The following USH2A variants were observed in gnomAD, a reference collection of about 807,000 sequenced individuals.
USH2A encodes Usher syndrome 2A (autosomal recessive, mild).
Under a neutral mutation model 538.9 loss-of-function variants are expected in USH2A, and 443 were observed. The observed-to-expected ratio is 0.82, with a 90% CI of 0.76 to 0.89. The LOEUF is 0.89. USH2A is among the 40% of genes least tolerant of loss of function. The pLI, the probability that USH2A is intolerant of heterozygous loss-of-function variation, is 0.00. For missense variants in USH2A, 6,633 were observed against 6,324.8 expected (o/e 1.05, Z -1.65); for synonymous variants, 2,413 against 2,273.5 (o/e 1.06, Z -1.75).
At chr1:216,130,281 T>C (rs2033343490) in intron 21 of USH2A, among the ~76,000 whole-genome samples, 1 of 151,796 alleles carries the variant, frequency 6.6e-6, no homozygotes, top group Non-Finnish European at 1.5e-5. Context: ...AACTGTACCC[T>C]ATTTGTAGTC....
rs539443301 is a variant in USH2A, at chr1:215,680,437, G to A, written c.12067-61C>T. ...TTTTTTTGAAACTGACAATATTGCT[G>A]GAAAGTCATTCTCTGAACCTCATGG... On this transcript the variant is annotated intron_variant, in intron 61 of 71. Coordinates refer to ENST00000307340, the MANE Select transcript of USH2A (RefSeq NM_206933.4). 30 of 1,546,662 alleles carry A rather than the reference G, an allele frequency of 1.9e-5. 1 individual carries two copies. The African/African-American group carries it at 3.3e-4, about 17-fold the overall frequency.
At position 215,974,991 on chromosome 1, in the gene USH2A, C is replaced by T. The variant is rs1049322370; in HGVS notation, c.6806-4215G>A. Among the ~76,000 whole-genome samples, 3 of 152,108 alleles carry T rather than the reference C, an allele frequency of 2.0e-5. No homozygotes were observed. The South Asian group carries it at 6.2e-4, about 32-fold the overall frequency. On this transcript the variant is annotated intron_variant, in intron 35 of 71. Transcript: ENST00000307340. ...CATTCAACCCTTTTCTTTGCAGCCTCGCCAGCATCTGTTGTTTTTTGACTT... is the reference window on the plus strand; with the variant it reads ...CATTCAACCCTTTTCTTTGCAGCCTTGCCAGCATCTGTTGTTTTTTGACTT...
chr1:215,936,937 A>G (rs1666514275), intron 37 of USH2A, among the ~76,000 whole-genome samples: 1 of 152,128 alleles, frequency 6.6e-6, no homozygotes, highest in Non-Finnish European at 1.5e-5. Flanking sequence ...GGGTAGGTCC[A>G]ACAAATTGTA....
chr1:216,361,158 CA>C (rs1485998045), intron 4 of USH2A, among the ~76,000 whole-genome samples: 1 of 152,046 alleles, frequency 6.6e-6, no homozygotes, highest in Non-Finnish European at 1.5e-5. Flanking sequence ...ATGGTAGAAA[CA>C]TTGATTTGTT....
intron 3 of USH2A, among the ~76,000 whole-genome samples, chr1:216,377,577 A>G (rs1038521996): frequency 6.6e-6 from 1 of 151,902 alleles, no homozygotes; most frequent in African/African-American, 2.4e-5. Flanking sequence ...ACTCTTGAAA[A>G]TAATATTCAT....
chr1:215,814,399 T>C (rs1207967182), intron 48 of USH2A, among the ~76,000 whole-genome samples: 1 of 151,196 alleles, frequency 6.6e-6, no homozygotes, highest in Non-Finnish European at 1.5e-5. Context: ...ATTGTTGGGA[T>C]TAAAGAGGCA....
chr1:215,951,062 A>T (rs369261701), intron 37 of USH2A, among the ~76,000 whole-genome samples: 1 of 151,494 alleles, frequency 6.6e-6, no homozygotes, highest in East Asian at 1.9e-4. Flanking sequence ...TTCCGGTTCT[A>T]CTCTGATCTT....
At chr1:216,051,867 T>G (rs2030794800) in intron 30 of USH2A, among the ~76,000 whole-genome samples, 1 of 152,216 alleles carries the variant, frequency 6.6e-6, no homozygotes, top group Admixed American at 6.5e-5. Flanking sequence ...ATAAAATTCC[T>G]TATACTAAGA....
At chr1:215,937,175 T>C (rs1666523612) in intron 37 of USH2A, among the ~76,000 whole-genome samples, 1 of 152,124 alleles carries the variant, frequency 6.6e-6, no homozygotes. Context: ...GTGACAATGA[T>C]AATTTCTATT....
chr1:216,305,279 G>C (rs1028505352), intron 9 of USH2A, among the ~76,000 whole-genome samples: 5 of 151,904 alleles, frequency 3.3e-5, no homozygotes, highest in African/African-American at 1.2e-4. Flanking sequence ...GTCCCTCTTT[G>C]TTAACTGCTG....
chr1:216,108,142 T>A (rs983926449), intron 21 of USH2A, among the ~76,000 whole-genome samples: 10 of 152,062 alleles, frequency 6.6e-5, no homozygotes, highest in Non-Finnish European at 1.0e-4. Context: ...AAACTTTTTT[T>A]AGCACTTCTT....
At chr1:216,155,084 A>G (rs2033911132) in intron 21 of USH2A, among the ~76,000 whole-genome samples, 1 of 152,154 alleles carries the variant, frequency 6.6e-6, no homozygotes, top group Non-Finnish European at 1.5e-5. Flanking sequence ...GAAATCTGAC[A>G]TAGTTGACTC....
chr1:216,302,215 G>A (rs2037229929), intron 9 of USH2A, among the ~76,000 whole-genome samples: 1 of 152,182 alleles, frequency 6.6e-6, no homozygotes. Flanking sequence ...TTTGCACATG[G>A]GAGGTGATCA....
chr1:216,242,917 C>T (rs2035965308), intron 13 of USH2A, among the ~76,000 whole-genome samples: 1 of 149,966 alleles, frequency 6.7e-6, no homozygotes, highest in Admixed American at 6.6e-5. Context: ...ACTGAAAGTA[C>T]CGTTTGCTAC....
intron 15 of USH2A, among the ~76,000 whole-genome samples, chr1:216,212,885 A>G (rs1180764293): frequency 6.6e-6 from 1 of 152,134 alleles, no homozygotes; most frequent in Non-Finnish European, 1.5e-5. Context: ...ACCACAGATA[A>G]TATATACTAA....
chr1:216,048,943 G>A (rs2030641227), intron 30 of USH2A, among the ~76,000 whole-genome samples: 1 of 152,138 alleles, frequency 6.6e-6, no homozygotes, highest in Non-Finnish European at 1.5e-5. Flanking sequence ...TAGTTCGTGA[G>A]GCAGAGCACA....
intron 38 of USH2A, among the ~76,000 whole-genome samples, chr1:215,906,914 C>T (rs1373259503): frequency 6.6e-6 from 1 of 151,948 alleles, no homozygotes; most frequent in Non-Finnish European, 1.5e-5. Flanking sequence ...AATCAGAAGG[C>T]AGAAAACTTA....
At chr1:215,930,797 A>G (rs982661401) in intron 38 of USH2A, among the ~76,000 whole-genome samples, 6 of 152,054 alleles carry the variant, frequency 3.9e-5, no homozygotes, top group Admixed American at 2.6e-4. Flanking sequence ...CCCCATTAGT[A>G]ACTCCAGACC....
intron 21 of USH2A, among the ~76,000 whole-genome samples, chr1:216,155,299 C>T (rs1024112785): frequency 6.6e-6 from 1 of 152,096 alleles, no homozygotes; most frequent in Non-Finnish European, 1.5e-5. Context: ...GGCCTGAATG[C>T]TGCTAAAATG....
Sources: gnomAD v4.1 joint callset for allele counts (sites outside exome capture counted in the v4.1 genomes callset) on GRCh38, gnomAD v4.1.1 for gene constraint, MANE v1.5 for transcripts, NCBI Gene and HGNC (gene_info 2026-07-23, HGNC 2026-07-21) for gene names.